The following MLXIPL variants were observed in gnomAD, a reference collection of about 807,000 sequenced individuals.
MLXIPL encodes MLX interacting protein like.
MLXIPL carries 49 observed loss-of-function variants against 81.5 expected under a neutral mutation model. The observed-to-expected ratio is 0.60, with a 90% CI of 0.48 to 0.76. The LOEUF is 0.76. Ranked by LOEUF, MLXIPL falls within the 30% of genes least tolerant of loss-of-function variation. The pLI is 0.00. For synonymous variants in MLXIPL, 466 were observed against 485.5 expected (o/e 0.96, Z 0.53); for missense variants, 1,053 against 1,167.0 (o/e 0.90, Z 1.42).
At chr7:73,599,282 C>G (rs1241071303) in intron 8 of MLXIPL, among the ~76,000 whole-genome samples, 1 of 151,772 alleles carries the variant, frequency 6.6e-6, no homozygotes, top group Non-Finnish European at 1.5e-5. Context: ...CTTCCACAAG[C>G]AACTGGCCCT....
In MLXIPL at chr7:73,606,967, C is replaced by T. The variant is rs371731771; in HGVS notation, c.618+7G>A. The T allele has an allele frequency of 4.0e-4, 649 of 1,613,596 alleles. 1 individual carries two copies. The highest frequency in any genetic ancestry group is 2.1e-3 in the Middle Eastern group (13 of 6,062). On this transcript the variant is annotated splice_region_variant and intron_variant, in intron 5 of 16. Coordinates refer to ENST00000313375, the MANE Select transcript of MLXIPL (RefSeq NM_032951.3). Reference sequence around the variant, plus strand: ...GCCCTTGCCTGCTGGACTTACAGAGCACCCACCTGCTTAGGGGCCAGGAGG... The same window carrying T: ...GCCCTTGCCTGCTGGACTTACAGAGTACCCACCTGCTTAGGGGCCAGGAGG...
intron 8 of MLXIPL, among the ~76,000 whole-genome samples, chr7:73,598,323 C>T (rs903362410): frequency 1.1e-4 from 17 of 152,100 alleles, no homozygotes; most frequent in Admixed American, 5.9e-4. Flanking sequence ...TTAACTAATC[C>T]ATCCAACCAT....
intron 5 of MLXIPL, chr7:73,606,721 C>T (rs1303762779): frequency 1.8e-5 from 9 of 507,496 alleles, no homozygotes; most frequent in Non-Finnish European, 2.9e-5. Context: ...CCACCACGCC[C>T]GGCCTGGTCC....
At chr7:73,624,060 A>T in intron 1 of MLXIPL, 140 bp downstream of exon 1, 1 of 1,194,854 alleles carries the variant, frequency 8.4e-7, no homozygotes, top group South Asian at 1.7e-5. Context: ...GGGGGTGTCC[A>T]GGGCGTGATC....
chr7:73,640,424 A>G, the MLXIPL span, among the ~76,000 whole-genome samples: 50 of 137,964 alleles, frequency 3.6e-4, no homozygotes, highest in Non-Finnish European at 6.9e-4. Flanking sequence ...AAGAAAAAGA[A>G]AAAAAGAAAT....
At chr7:73,643,006 G>A in the MLXIPL span, among the ~76,000 whole-genome samples, 3 of 152,172 alleles carry the variant, frequency 2.0e-5, no homozygotes, top group African/African-American at 7.2e-5. Flanking sequence ...GACACTCTTA[G>A]CATTCTGGAG....
chr7:73,639,185 A>C, the MLXIPL span, among the ~76,000 whole-genome samples: 1 of 152,182 alleles, frequency 6.6e-6, no homozygotes, highest in Non-Finnish European at 1.5e-5. Flanking sequence ...ACCCCATCCC[A>C]GGCCAGGAAG....
chr7:73,605,817 G>C (rs371353994), intron 6 of MLXIPL, 49 bp from the exon 7 acceptor site: 1 of 1,598,050 alleles, frequency 6.3e-7, no homozygotes, highest in Admixed American at 1.7e-5. Flanking sequence ...GGAGGAGCAG[G>C]GTCCCCACCC....
Position 73,596,850 on chromosome 7 carries a change from T to G in MLXIPL, c.1671+15A>C. On this transcript the variant is annotated intron_variant, in intron 10 of 16. Transcript: ENST00000313375. The surrounding 1 kb of genome is among the most constrained non-coding windows in gnomAD (Gnocchi z 4.7). ...CCGTGGGCACAGCCCCACCGCCCAGTGCCCGAGATCTTACCGGGGACCCTG... is the reference window on the plus strand; with the variant it reads ...CCGTGGGCACAGCCCCACCGCCCAGGGCCCGAGATCTTACCGGGGACCCTG... The G allele has an allele frequency of 6.2e-7, 1 of 1,610,388 alleles. No individual in the cohort carries two copies. The highest frequency in any genetic ancestry group is 8.5e-7 in the Non-Finnish European group (1 of 1,179,116).
chr7:73,626,138 G>T (rs1305923855), upstream of MLXIPL, among the ~76,000 whole-genome samples: 1 of 151,866 alleles, frequency 6.6e-6, no homozygotes, highest in Non-Finnish European at 1.5e-5. Flanking sequence ...TGAGTAGCCG[G>T]GATTACAAGT....
chr7:73,597,719 T>TG lies in MLXIPL; in HGVS notation c.1072-7dup, dbSNP rs782513697. The TG allele has an allele frequency of 3.0e-6, 4 of 1,332,152 alleles. No individual in the cohort carries two copies. Among genetic ancestry groups the TG allele is most frequent in the South Asian group, 2.6e-5 (1 of 38,594 alleles). The allele number at this position is 1,332,152 out of a possible 1,614,324, so 82.5% of individuals were successfully genotyped here. ...CCAGGGCAGCTGTTCCGAGCCTGGT[T>TG]GGGGGGACAGACAGACACTCAGAGA... On this transcript the variant is annotated splice_region_variant and splice_polypyrimidine_tract_variant and intron_variant, in intron 8 of 16. Coordinates refer to ENST00000313375, the MANE Select transcript of MLXIPL (RefSeq NM_032951.3).
intron 6 of MLXIPL, 48 bp downstream of exon 6, chr7:73,605,862 A>G (rs1176707863): frequency 6.4e-7 from 1 of 1,567,660 alleles, no homozygotes; most frequent in Non-Finnish European, 8.7e-7. Flanking sequence ...GCCTCCTGGA[A>G]TCTCACAGGC....
chr7:73,606,406 T>G lies in MLXIPL; in HGVS notation c.619-295A>C, dbSNP rs1554598142. ...CTTTGGTCCCTCTGGTTTTTTTTTT[T>G]GTTTGTTTTCTTTTTCTTTTTCTTT... On this transcript the variant is annotated intron_variant, in intron 5 of 16. Transcript: ENST00000313375. 2.2e-5 allele frequency: 11 copies of G among 498,068 alleles called. No individual in the cohort carries two copies. In the East Asian group the frequency reaches 2.7e-4, roughly 12 times the overall value. 30.9% of individuals were successfully genotyped at this position (498,068 alleles called of 1,614,324 possible). A position where few individuals can be genotyped will look rare whatever the true frequency, so the allele number is the denominator to read the frequency against.
intron 2 of MLXIPL, among the ~76,000 whole-genome samples, chr7:73,612,266 G>C (rs1375045828): frequency 7.2e-5 from 11 of 152,120 alleles, no homozygotes; most frequent in Admixed American, 7.2e-4. Flanking sequence ...AGGAATTGGA[G>C]GCCGCAGTGA....
At position 73,595,910 on chromosome 7, in the gene MLXIPL, C is replaced by T; in HGVS notation, c.2118G>A (p.Glu706=). ...GGGCCTCCTCCTGCAAGCCCGCACGCTCCTGCTGTAGCATAAGGATGTACT... is the reference window on the plus strand; with the variant it reads ...GGGCCTCCTCCTGCAAGCCCGCACGTTCCTGCTGTAGCATAAGGATGTACT... The part of the protein sequence containing the change: ...TAEYILMLQQ[E]RAGLQEEAQQ... Residue 706 remains glutamate, a synonymous_variant, in exon 14 of 17, where the codon GAG becomes GAA. Coordinates refer to ENST00000313375, the MANE Select transcript of MLXIPL (RefSeq NM_032951.3). 1 of 1,613,358 alleles carries T rather than the reference C, an allele frequency of 6.2e-7. No homozygotes were observed. Among genetic ancestry groups the T allele is most frequent in the Non-Finnish European group, 8.5e-7 (1 of 1,179,964 alleles).
At chr7:73,601,081 G>T (rs1432749050) in intron 7 of MLXIPL, among the ~76,000 whole-genome samples, 3 of 151,658 alleles carry the variant, frequency 2.0e-5, no homozygotes, top group African/African-American at 4.9e-5. Flanking sequence ...CCTGCCAGGA[G>T]AGCTGCTCAA....
intron 2 of MLXIPL, among the ~76,000 whole-genome samples, chr7:73,612,397 T>C (rs533617119): frequency 9.4e-4 from 142 of 151,862 alleles, no homozygotes; most frequent in African/African-American, 3.2e-3. Flanking sequence ...TCCCAGCACT[T>C]TGGGAGGCCG....
chr7:73,594,201 C>A, intron 16 of MLXIPL, 73 bp downstream of exon 16: 1 of 1,599,758 alleles, frequency 6.3e-7, no homozygotes, highest in Admixed American at 1.7e-5. Context: ...GATGTGGGAT[C>A]TAAGCAGGGT....
In MLXIPL at chr7:73,596,110, G is replaced by A; in HGVS notation, c.2058+43C>T. The A allele has an allele frequency of 6.2e-7, 1 of 1,606,230 alleles. No homozygotes were observed. Among genetic ancestry groups the A allele is most frequent in the Non-Finnish European group, 8.5e-7 (1 of 1,178,034 alleles). On this transcript the variant is annotated intron_variant, in intron 13 of 16. Coordinates refer to ENST00000313375, the MANE Select transcript of MLXIPL (RefSeq NM_032951.3). This position sits in a 1 kb window ranked among gnomAD's most constrained non-coding sequence, Gnocchi z 4.7. Reference sequence around the variant, plus strand: ...TTTGGGTGGGGGGGGTCCAGAAAGGGGCCCTGTGGTTTTGGGGGTGCCAGC... The same window carrying A: ...TTTGGGTGGGGGGGGTCCAGAAAGGAGCCCTGTGGTTTTGGGGGTGCCAGC...
Sources: gnomAD v4.1 joint callset for allele counts (sites outside exome capture counted in the v4.1 genomes callset) on GRCh38, gnomAD v4.1.1 for gene constraint, Gnocchi (gnomAD v3.1) non-coding constraint, MANE v1.5 for transcripts, NCBI Gene and HGNC (gene_info 2026-07-23, HGNC 2026-07-21) for gene names.